The following SIX4 variants were observed in gnomAD, a reference collection of about 807,000 sequenced individuals.
SIX4 encodes the protein SIX homeobox 4.
Under a neutral mutation model 51.5 loss-of-function variants are expected in SIX4, and 23 were observed. The observed-to-expected ratio is 0.45, with a 90% confidence interval of 0.32 to 0.63. SIX4 has a LOEUF of 0.63. Among genes scored for constraint, SIX4 ranks in the 30% least tolerant of loss-of-function variants. SIX4 has a pLI of 0.04. For synonymous variants in SIX4, 413 were observed against 417.3 expected (o/e 0.99, Z 0.13); for missense variants, 867 against 984.0 (o/e 0.88, Z 1.59).
Position 60,720,761 on chromosome 14 carries a change from T to A in SIX4, c.864-316A>T, listed in dbSNP as rs541564843. Among the ~76,000 whole-genome samples, 1 of 152,200 alleles carries A rather than the reference T, an allele frequency of 6.6e-6. No individual in the cohort carries two copies. Among genetic ancestry groups the A allele is most frequent in the Non-Finnish European group, 1.5e-5 (1 of 68,038 alleles). On this transcript the variant is annotated intron_variant, in intron 1 of 2. Transcript: ENST00000216513. This position sits in a 1 kb window ranked among gnomAD's most constrained non-coding sequence, Gnocchi z 5.5. ...ATTTGATTTTACAGTGTAGAAGTGC[T>A]ATTCCTTACTGTTACATATGCTGCT...
At position 60,709,866 on chromosome 14, in the gene SIX4, A is replaced by G. The variant is rs1895792896; in HGVS notation, c.*3541T>C. On this transcript the variant is annotated 3_prime_UTR_variant, in exon 3 of 3. Coordinates refer to ENST00000216513, the MANE Select transcript of SIX4 (RefSeq NM_017420.5). This position sits in a 1 kb window ranked among gnomAD's most constrained non-coding sequence, Gnocchi z 4.1. Reference sequence around the variant, plus strand: ...AAACATACAGTACATGCAACAAAATAATATTTTTGAGAACTCTGAAAGCCA... The same window carrying G: ...AAACATACAGTACATGCAACAAAATGATATTTTTGAGAACTCTGAAAGCCA... The G allele has an allele frequency of 6.6e-6, 1 of 152,642 alleles. No homozygotes were observed. Among genetic ancestry groups the G allele is most frequent in the South Asian group, 2.1e-4 (1 of 4,830 alleles). 9.5% of individuals were successfully genotyped at this position (152,642 alleles called of 1,614,324 possible). A position where few individuals can be genotyped will look rare whatever the true frequency, so the allele number is the denominator to read the frequency against.
chr14:60,720,913 G>A lies in SIX4; in HGVS notation c.864-468C>T. 5.2e-6 allele frequency: 5 copies of A among 958,694 alleles called. No individual in the cohort carries two copies. Among genetic ancestry groups the A allele is most frequent in the Non-Finnish European group, 6.2e-6 (5 of 804,594 alleles). 59.4% of individuals were successfully genotyped at this position (958,694 alleles called of 1,614,324 possible). A position where few individuals can be genotyped will look rare whatever the true frequency, so the allele number is the denominator to read the frequency against. On this transcript the variant is annotated intron_variant, in intron 1 of 2. Coordinates refer to ENST00000216513, the MANE Select transcript of SIX4 (RefSeq NM_017420.5). The surrounding 1 kb of genome is among the most constrained non-coding windows in gnomAD (Gnocchi z 5.5). ...GGAGGTAAATGAAGCTGCCAAAGGA[G>A]CAGGAGGTAGGAAGTGCTCAGCTTT...
chr14:60,715,018 T>G (rs898400142), intron 2 of SIX4, among the ~76,000 whole-genome samples: 1 of 150,896 alleles, frequency 6.6e-6, no homozygotes. Context: ...CATGTGCGCA[T>G]GTTTGTTACA....
chr14:60,721,494 G>C (rs1045240307), intron 1 of SIX4, among the ~76,000 whole-genome samples: 2 of 152,210 alleles, frequency 1.3e-5, no homozygotes, highest in Non-Finnish European at 2.9e-5. Flanking sequence ...CGCAGAAAGC[G>C]CTTTGATTTA....
chr14:60,723,064 G>A, intron 1 of SIX4, 148 bp downstream of exon 1: 1 of 1,411,946 alleles, frequency 7.1e-7, no homozygotes, highest in Non-Finnish European at 9.2e-7. Context: ...TGCCGGCCGG[G>A]GAGCGAGGTA....
chr14:60,721,444 G>A (rs1896017308), intron 1 of SIX4, among the ~76,000 whole-genome samples: 1 of 152,228 alleles, frequency 6.6e-6, no homozygotes, highest in Non-Finnish European at 1.5e-5. Flanking sequence ...TCATGCCGAG[G>A]GGAGGGGATT....
chr14:60,714,720 C>T (rs372251369), intron 2 of SIX4, among the ~76,000 whole-genome samples: 176 of 150,174 alleles, frequency 1.2e-3, no homozygotes, highest in African/African-American at 4.2e-3. Context: ...GGCTGGAGTG[C>T]AGTGGAGCGA....
rs1325978045 is a variant in SIX4, at chr14:60,709,581, A to C, written c.*3826T>G. The C allele has an allele frequency of 6.6e-6, 1 of 152,670 alleles. No homozygotes were observed. The highest frequency in any genetic ancestry group is 2.4e-5 in the African/African-American group (1 of 41,462). 9.5% of individuals were successfully genotyped at this position (152,670 alleles called of 1,614,324 possible). A position where few individuals can be genotyped will look rare whatever the true frequency, so the allele number is the denominator to read the frequency against. On this transcript the variant is annotated 3_prime_UTR_variant, in exon 3 of 3. Transcript: ENST00000216513. The surrounding 1 kb of genome is among the most constrained non-coding windows in gnomAD (Gnocchi z 4.1). ...TTTATTTAGCATAGTGTTTAGAAAA[A>C]TAAGTTCACATCATTTCAGAAAACA... is the stretch of plus-strand genomic sequence containing the variant.
In SIX4 at chr14:60,719,904, C is replaced by A. The variant is rs1000491025; in HGVS notation, c.1405G>T (p.Val469Leu). ...TGCACTGGTGTAGTAAAAGTCACTA[C>A]AGACCCTCCATCTTGGGAAGCCACT... The part of the protein sequence containing the change: ...QTVASQDGGS[V>L]VTFTTPVQIN... Residue 469 changes from valine (V) to leucine (L), a missense_variant, in exon 2 of 3, where the codon GTA becomes TTA. Physicochemically the swap from Val to Leu is conservative, Grantham distance 32. Transcript: ENST00000216513. The surrounding 1 kb of genome is among the most constrained non-coding windows in gnomAD (Gnocchi z 4.9). The A allele has an allele frequency of 6.2e-7, 1 of 1,614,178 alleles. No homozygotes were observed. The highest frequency in any genetic ancestry group is 8.5e-7 in the Non-Finnish European group (1 of 1,180,034).
rs763837999 is a variant in SIX4, at chr14:60,719,140, T to C, written c.1549+620A>G. Among the ~76,000 whole-genome samples, 2 of 152,180 alleles carry C rather than the reference T, an allele frequency of 1.3e-5. No individual in the cohort carries two copies. The highest frequency in any genetic ancestry group is 2.9e-5 in the Non-Finnish European group (2 of 68,018). On this transcript the variant is annotated intron_variant, in intron 2 of 2. Coordinates refer to ENST00000216513, the MANE Select transcript of SIX4 (RefSeq NM_017420.5). This position sits in a 1 kb window ranked among gnomAD's most constrained non-coding sequence, Gnocchi z 4.9. ...TGCTGTTAGTAAAGCCACAAACATA[T>C]AAAATAAGGCTTACTATTATCTTCA... is the stretch of plus-strand genomic sequence containing the variant.
Position 60,723,888 on chromosome 14 carries a change from C to T in SIX4, c.187G>A (p.Ala63Thr). ...GCCCCTTCCTCTCCGCTCACCCTGG[C>T]GGCAGCGGTCGCGGCGTCCCCCGGC... ...LEPGDAATAA[A>T]RVSGEEGAVA... The change falls in exon 1 of 3, where the codon GCC becomes ACC. Residue 63 changes from alanine (A) to threonine (T), a missense_variant. Coordinates refer to ENST00000216513, the MANE Select transcript of SIX4 (RefSeq NM_017420.5). 6.6e-7 allele frequency: 1 copy of T among 1,526,614 alleles called. No individual in the cohort carries two copies. The highest frequency in any genetic ancestry group is 1.4e-5 in the African/African-American group (1 of 69,790). 94.6% of individuals were successfully genotyped at this position (1,526,614 alleles called of 1,614,324 possible).
At position 60,723,703 on chromosome 14, in the gene SIX4, G is replaced by T; in HGVS notation, c.372C>A (p.Gly124=). The change falls in exon 1 of 3, where the codon GGC becomes GGA. Residue 124 remains glycine, a synonymous_variant. Coordinates refer to ENST00000216513, the MANE Select transcript of SIX4 (RefSeq NM_017420.5). ...GGAACCGGGCCAGGCGGTCCAGGTT[G>T]CCCCCCTGCTGCAGTGCCTCGCACA... ...ACVCEALQQG[G]NLDRLARFLW... is the part of the protein sequence containing the mutation. The T allele has an allele frequency of 6.4e-7, 1 of 1,559,398 alleles. No homozygotes were observed. Among genetic ancestry groups the T allele is most frequent in the Admixed American group, 1.9e-5 (1 of 52,022 alleles).
Position 60,719,983 on chromosome 14 carries a change from G to A in SIX4, c.1326C>T (p.Val442=). The change falls in exon 2 of 3, where the codon GTC becomes GTT. Residue 442 remains valine (V), a synonymous_variant. Coordinates refer to ENST00000216513, the MANE Select transcript of SIX4 (RefSeq NM_017420.5). The surrounding 1 kb of genome is among the most constrained non-coding windows in gnomAD (Gnocchi z 4.9). ...TGCTGGGTATCAGGCCTGGGAATGA[G>A]ACAGGGACACTGGGGCTGTAGGACG... ...TTTSYSPSVP[V]SFPGLIPSTE... is the part of the protein sequence containing the mutation. 1 of 1,614,228 alleles carries A rather than the reference G, an allele frequency of 6.2e-7. No homozygotes were observed. The highest frequency in any genetic ancestry group is 1.1e-5 in the South Asian group (1 of 91,080).
intron 2 of SIX4, among the ~76,000 whole-genome samples, chr14:60,715,771 A>G (rs1195824900): frequency 6.6e-6 from 1 of 152,180 alleles, no homozygotes; most frequent in Non-Finnish European, 1.5e-5. Flanking sequence ...TGGCAATTAG[A>G]TAATCTAGGA....
At chr14:60,721,293 G>T in intron 1 of SIX4, 1 of 347,774 alleles carries the variant, frequency 2.9e-6, no homozygotes, top group Non-Finnish European at 4.0e-6. Flanking sequence ...TTGGGGGGTG[G>T]GTAGTGATGG....
At chr14:60,715,015 G>A (rs1016792220) in intron 2 of SIX4, among the ~76,000 whole-genome samples, 8 of 150,888 alleles carry the variant, frequency 5.3e-5, no homozygotes, top group East Asian at 1.9e-4. Flanking sequence ...GGGCATGTGC[G>A]CATGTTTGTT....
In SIX4 at chr14:60,709,642, T is replaced by C. The variant is rs527548985; in HGVS notation, c.*3765A>G. 1.3e-5 allele frequency: 2 copies of C among 152,708 alleles called. No individual in the cohort carries two copies. Among genetic ancestry groups the C allele is most frequent in the East Asian group, 3.9e-4 (2 of 5,188 alleles). The allele number at this position is 152,708 out of a possible 1,614,324, so 9.5% of individuals were successfully genotyped here. A position where few individuals can be genotyped will look rare whatever the true frequency, so the allele number is the denominator to read the frequency against. On this transcript the variant is annotated 3_prime_UTR_variant, in exon 3 of 3. Coordinates refer to ENST00000216513, the MANE Select transcript of SIX4 (RefSeq NM_017420.5). The surrounding 1 kb of genome is among the most constrained non-coding windows in gnomAD (Gnocchi z 4.1). ...TTAATTGTCCAGGCATAAACCCCCA[T>C]TACAGTACGACATACATACTTCAGA...
Position 60,723,081 on chromosome 14 carries a change from G to A in SIX4, c.863+131C>T, listed in dbSNP as rs1436134132. The A allele has an allele frequency of 2.1e-6, 3 of 1,419,412 alleles. No homozygotes were observed. The South Asian group carries it at 4.6e-5, about 22-fold the overall frequency. 87.9% of individuals were successfully genotyped at this position (1,419,412 alleles called of 1,614,324 possible). ...CCGGCCGGGGAGCGAGGTAGGGGGC[G>A]GGGAGAGGTGGGCAGCCGGACCAGG... On this transcript the variant is annotated intron_variant, in intron 1 of 2. Coordinates refer to ENST00000216513, the MANE Select transcript of SIX4 (RefSeq NM_017420.5).
chr14:60,715,349 C>G (rs143196136), intron 2 of SIX4, among the ~76,000 whole-genome samples: 70 of 152,184 alleles, frequency 4.6e-4, no homozygotes, highest in Admixed American at 9.8e-4. Context: ...AATGAGTTAC[C>G]CTGGGGCTTA....
Sources: allele counts gnomAD v4.1 joint callset (sites outside exome capture counted in the v4.1 genomes callset), GRCh38; gene constraint gnomAD v4.1.1; non-coding constraint Gnocchi (gnomAD v3.1); transcripts MANE v1.5; gene names NCBI Gene and HGNC (gene_info 2026-07-23, HGNC 2026-07-21).